The following ZNF385D variants were observed in gnomAD, a reference collection of about 807,000 sequenced individuals.
The protein encoded by ZNF385D is zinc finger protein 385D, also known as zinc finger protein 659.
ZNF385D carries 15 observed loss-of-function variants against 35.8 expected under a neutral mutation model. The ratio of observed to expected loss-of-function variants is 0.42; its 90% CI spans 0.28 to 0.64. ZNF385D has a LOEUF of 0.64. Ranked by LOEUF, ZNF385D falls within the 30% of genes least tolerant of loss-of-function variation. ZNF385D has a pLI of 0.23. For synonymous variants in ZNF385D, 212 were observed against 186.8 expected, an observed-to-expected ratio of 1.13 and a Z score of -1.10; for missense variants, 474 against 494.6, an observed-to-expected ratio of 0.96 and a Z score of 0.39.
At chr3:21,889,349 C>T (rs545304485) in intron 3 of ZNF385D, among the ~76,000 whole-genome samples, 3 of 152,218 alleles carry the variant, frequency 2.0e-5, no homozygotes, top group Admixed American at 6.5e-5. Flanking sequence ...GGAGGTGAGG[C>T]GCCAGACGAC....
chr3:21,655,530 C>T (rs917995571), intron 2 of ZNF385D, among the ~76,000 whole-genome samples: 2 of 152,002 alleles, frequency 1.3e-5, no homozygotes, highest in African/African-American at 4.8e-5. Context: ...CATTAGACAG[C>T]ATCTTTACTG....
chr3:21,847,226 A>G (rs949672779), intron 3 of ZNF385D, among the ~76,000 whole-genome samples: 7 of 152,090 alleles, frequency 4.6e-5, no homozygotes, highest in African/African-American at 1.7e-4. Flanking sequence ...CCCTGAATGA[A>G]TAAAAGAGGT....
intron 3 of ZNF385D, among the ~76,000 whole-genome samples, chr3:21,883,927 T>C (rs1465748462): frequency 3.9e-5 from 6 of 152,008 alleles, no homozygotes; most frequent in African/African-American, 1.4e-4. Context: ...GGAAACCATA[T>C]CTACTAAGTC....
intron 1 of ZNF385D, among the ~76,000 whole-genome samples, chr3:21,746,097 C>T (rs921701136): frequency 2.0e-4 from 31 of 152,292 alleles, no homozygotes; most frequent in African/African-American, 7.5e-4. Context: ...CTTGTCTTAT[C>T]AACGGAGCGT....
rs187402956 is a variant in ZNF385D at position 21,880,325 on chromosome 3, A to G, written c.326-215297T>C. On this transcript the variant is annotated intron_variant, in intron 3 of 5. Coordinates refer to the ZNF385D transcript ENST00000494108. ...AATGCTGTGTCAAGCTTCTATTGGCACCATTTTTCCAACAGCATGTGCTCA... is the reference window on the plus strand; with the variant it reads ...AATGCTGTGTCAAGCTTCTATTGGCGCCATTTTTCCAACAGCATGTGCTCA... Among the ~76,000 whole-genome samples, 169 of 152,086 alleles carry G rather than the reference A, an allele frequency of 1.1e-3. 2 individuals carry two copies. In the Middle Eastern group the frequency reaches 0.024, roughly 21 times the overall value.
rs145709600 is a variant in ZNF385D, at chr3:22,139,559, G to T, written c.325+29258C>A. Among the ~76,000 whole-genome samples the T allele has an allele frequency of 4.8e-5, 7 of 145,650 alleles. No homozygotes were observed. In the South Asian group the frequency reaches 1.6e-3, roughly 32 times the overall value. On this transcript the variant is annotated intron_variant, in intron 3 of 5. Transcript: ENST00000494108. ...ATGTTCTCACTCATAGGTGGGAATT[G>T]AACAATGAGAACACATGGACACAGG...
At chr3:21,945,119 TAC>T (rs1321959488) in intron 3 of ZNF385D, among the ~76,000 whole-genome samples, 3 of 151,682 alleles carry the variant, frequency 2.0e-5, no homozygotes, top group African/African-American at 4.8e-5. Flanking sequence ...TGCATGTATA[TAC>T]GTGTGTGTAT....
intron 2 of ZNF385D, among the ~76,000 whole-genome samples, chr3:22,259,468 A>G (rs757567324): frequency 6.6e-6 from 1 of 151,942 alleles, no homozygotes; most frequent in Non-Finnish European, 1.5e-5. Context: ...TTGACATTCT[A>G]TGATAAAATG....
intron 2 of ZNF385D, among the ~76,000 whole-genome samples, chr3:22,338,430 T>A (rs1374898500): frequency 6.6e-6 from 1 of 152,176 alleles, no homozygotes; most frequent in African/African-American, 2.4e-5. Context: ...AAGACCTATG[T>A]AGCTGTAGAT....
At chr3:21,438,952 T>C (rs941538096) in intron 4 of ZNF385D, among the ~76,000 whole-genome samples, 1 of 152,072 alleles carries the variant, frequency 6.6e-6, no homozygotes, top group Non-Finnish European at 1.5e-5. Flanking sequence ...CTTGAGAACC[T>C]AGAGATGGAA....
intron 2 of ZNF385D, among the ~76,000 whole-genome samples, chr3:22,302,138 A>C (rs1431632175): frequency 6.6e-6 from 1 of 151,982 alleles, no homozygotes; most frequent in African/African-American, 2.4e-5. Context: ...CTGGATTCAC[A>C]CTTCCAGAAT....
At chr3:21,650,838 AG>A (rs1397295579) in intron 2 of ZNF385D, among the ~76,000 whole-genome samples, 3 of 152,164 alleles carry the variant, frequency 2.0e-5, no homozygotes, top group African/African-American at 4.8e-5. Context: ...GAAGTTATTA[AG>A]TAACACCTAA....
chr3:22,372,464 G>C (rs1035752465), exon 2 of ZNF385D: 103 of 985,836 alleles, frequency 1.0e-4, no homozygotes, highest in Non-Finnish European at 1.2e-4. Flanking sequence ...GCTGGGCTGA[G>C]CTTTCGGCGC....
At chr3:21,742,488 C>G (rs993824937) in intron 1 of ZNF385D, among the ~76,000 whole-genome samples, 5 of 152,228 alleles carry the variant, frequency 3.3e-5, no homozygotes, top group Non-Finnish European at 7.3e-5. Flanking sequence ...TGCTCTTCCT[C>G]TAAGCTACAG....
intron 3 of ZNF385D, among the ~76,000 whole-genome samples, chr3:21,903,741 T>C (rs1699533550): frequency 6.6e-6 from 1 of 152,116 alleles, no homozygotes; most frequent in Admixed American, 6.6e-5. Context: ...GCAATAGAAA[T>C]AATGAAGTCA....
intron 4 of ZNF385D, among the ~76,000 whole-genome samples, chr3:21,502,384 C>T (rs1002061000): frequency 2.0e-5 from 3 of 152,152 alleles, no homozygotes; most frequent in Admixed American, 6.5e-5. Context: ...CTGTAAGTTT[C>T]TAGATTCCAC....
chr3:21,504,403 C>T lies in ZNF385D; in HGVS notation c.439+6458G>A, dbSNP rs554569985. On this transcript the variant is annotated intron_variant, in intron 4 of 7. Coordinates refer to ENST00000281523, the MANE Select transcript of ZNF385D (RefSeq NM_024697.3). ...CTGTTCTTTCGTGAAACCACCTATA[C>T]ACAAATACAAAAGTCTAAAGCTTTA... Among the ~76,000 whole-genome samples the T allele has an allele frequency of 3.1e-4, 47 of 152,246 alleles. 1 individual carries two copies. In the South Asian group the frequency reaches 5.8e-3, roughly 19 times the overall value.
At chr3:21,585,429 C>T (rs1001273562) in intron 2 of ZNF385D, among the ~76,000 whole-genome samples, 2 of 152,112 alleles carry the variant, frequency 1.3e-5, no homozygotes, top group African/African-American at 4.8e-5. Context: ...TTTCCTTTGT[C>T]TTTTAAGTAA....
At chr3:21,894,152 CTAGA>C (rs950611734) in intron 3 of ZNF385D, among the ~76,000 whole-genome samples, 5 of 152,106 alleles carry the variant, frequency 3.3e-5, no homozygotes, top group Non-Finnish European at 7.4e-5. Flanking sequence ...TTGCACTAAG[CTAGA>C]TAATTTCTGA....
Sources: gnomAD v4.1 joint callset for allele counts (sites outside exome capture counted in the v4.1 genomes callset) on GRCh38, gnomAD v4.1.1 for gene constraint, MANE v1.5 for transcripts, NCBI Gene and HGNC (gene_info 2026-07-23, HGNC 2026-07-21) for gene names.